KCND2: variants seen among roughly 807,000 people sequenced by gnomAD.
KCND2 encodes A-type voltage-gated potassium channel KCND2.
KCND2 carries 16 observed loss-of-function variants against 54.4 expected under a neutral mutation model. The observed-to-expected ratio is 0.29, with a 90% CI of 0.20 to 0.45. KCND2 has a LOEUF of 0.45. KCND2 is among the 20% of genes least tolerant of loss of function. KCND2 has a pLI of 1.00. For missense variants in KCND2, 486 were observed against 824.2 expected (o/e 0.59, Z 5.02); for synonymous variants, 317 against 310.7 (o/e 1.02, Z -0.21).
At position 120,609,058 on chromosome 7, in the gene KCND2, G is replaced by A. The variant is rs139111709; in HGVS notation, c.1116-123845G>A. ...GGGATATAACCTTGGTTTTCAGCGG[G>A]TTAATCATCTCTCATAACATGGTTA... is the stretch of plus-strand genomic sequence containing the variant. On this transcript the variant is annotated intron_variant, in intron 1 of 5. Transcript: ENST00000331113. 3.3e-5 allele frequency among the ~76,000 whole-genome samples: 5 copies of A among 152,094 alleles called. No individual in the cohort carries two copies. In the East Asian group the frequency reaches 9.7e-4, roughly 29 times the overall value.
chr7:120,405,066 C>G (rs1801331227), intron 1 of KCND2, among the ~76,000 whole-genome samples: 1 of 152,028 alleles, frequency 6.6e-6, no homozygotes, highest in South Asian at 2.1e-4. Flanking sequence ...GAAAAATTGT[C>G]AGATTTGTGA....
intron 1 of KCND2, among the ~76,000 whole-genome samples, chr7:120,327,576 C>G (rs913982730): frequency 2.6e-5 from 4 of 152,032 alleles, no homozygotes; most frequent in African/African-American, 9.7e-5. Flanking sequence ...ATTAATAACA[C>G]TATAGGAAAT....
intron 1 of KCND2, among the ~76,000 whole-genome samples, chr7:120,319,928 G>C (rs945556653): frequency 6.6e-6 from 1 of 151,940 alleles, no homozygotes; most frequent in African/African-American, 2.4e-5. Context: ...AACATGCAGA[G>C]TTTAGTTGGT....
chr7:120,613,753 A>G (rs931664766), intron 1 of KCND2, among the ~76,000 whole-genome samples: 12 of 152,076 alleles, frequency 7.9e-5, no homozygotes, highest in Non-Finnish European at 1.5e-4. Context: ...GAGTAGTCCT[A>G]CAGTCCTTTC....
chr7:120,579,337 G>A (rs1329080205), intron 1 of KCND2, among the ~76,000 whole-genome samples: 1 of 151,770 alleles, frequency 6.6e-6, no homozygotes, highest in East Asian at 1.9e-4. Flanking sequence ...GGGCACGGTG[G>A]CTCATGCCTG....
intron 1 of KCND2, among the ~76,000 whole-genome samples, chr7:120,563,200 T>C (rs1483463151): frequency 6.6e-6 from 1 of 152,170 alleles, no homozygotes; most frequent in Non-Finnish European, 1.5e-5. Flanking sequence ...TAAGTAAACA[T>C]TCCCCCTTTC....
At chr7:120,446,350 GAC>G (rs1802018573) in intron 1 of KCND2, among the ~76,000 whole-genome samples, 1 of 152,072 alleles carries the variant, frequency 6.6e-6, no homozygotes, top group Non-Finnish European at 1.5e-5. Flanking sequence ...ATTCTTTTGT[GAC>G]ATCTTGCAGT....
intron 1 of KCND2, among the ~76,000 whole-genome samples, chr7:120,713,808 G>C (rs1190050048): frequency 1.3e-5 from 2 of 152,132 alleles, no homozygotes; most frequent in Non-Finnish European, 2.9e-5. Flanking sequence ...ATGTGAGTTA[G>C]TCTTAAATGT....
At chr7:120,478,669 A>G (rs1333047591) in intron 1 of KCND2, among the ~76,000 whole-genome samples, 1 of 152,148 alleles carries the variant, frequency 6.6e-6, no homozygotes, top group Non-Finnish European at 1.5e-5. Context: ...TTATACCTAT[A>G]AGAAAAAAAC....
At chr7:120,333,625 T>G (rs1473261579) in intron 1 of KCND2, among the ~76,000 whole-genome samples, 1 of 152,104 alleles carries the variant, frequency 6.6e-6, no homozygotes, top group Non-Finnish European at 1.5e-5. Context: ...AATATAATAA[T>G]TTCCAGAATA....
At chr7:120,593,185 C>T (rs1209473264) in intron 1 of KCND2, among the ~76,000 whole-genome samples, 4 of 152,110 alleles carry the variant, frequency 2.6e-5, no homozygotes, top group South Asian at 2.1e-4. Context: ...AATTTTGTAC[C>T]TATCAAATAT....
At chr7:120,703,246 A>G (rs1314181886) in intron 1 of KCND2, among the ~76,000 whole-genome samples, 1 of 152,174 alleles carries the variant, frequency 6.6e-6, no homozygotes, top group East Asian at 1.9e-4. Flanking sequence ...TAAATTAACA[A>G]CAAAATCATA....
At chr7:120,422,469 T>C (rs527919429) in intron 1 of KCND2, among the ~76,000 whole-genome samples, 76 of 152,334 alleles carry the variant, frequency 5.0e-4, no homozygotes, top group Admixed American at 2.2e-3. Flanking sequence ...ATGGTGGTTC[T>C]CATCTTTTCT....
intron 1 of KCND2, among the ~76,000 whole-genome samples, chr7:120,434,952 T>C (rs1801844955): frequency 6.6e-6 from 1 of 152,002 alleles, no homozygotes; most frequent in Non-Finnish European, 1.5e-5. Context: ...CTCATAGGAT[T>C]GGAAGACTTG....
intron 1 of KCND2, among the ~76,000 whole-genome samples, chr7:120,363,029 G>A (rs2116403093): frequency 6.6e-6 from 1 of 152,156 alleles, no homozygotes; most frequent in Non-Finnish European, 1.5e-5. Context: ...CAGGCAGGGT[G>A]TCGTGGCTCA....
intron 1 of KCND2, among the ~76,000 whole-genome samples, chr7:120,354,129 TG>T (rs1800457050): frequency 6.6e-6 from 1 of 152,182 alleles, no homozygotes. Flanking sequence ...ATTTTTTTAA[TG>T]CAATACCATA....
At chr7:120,455,175 G>GA (rs201976614) in intron 1 of KCND2, among the ~76,000 whole-genome samples, 37 of 148,972 alleles carry the variant, frequency 2.5e-4, no homozygotes, top group Middle Eastern at 3.4e-3. Context: ...ACAGAATTTA[G>GA]AAAAAAAAAA....
intron 1 of KCND2, among the ~76,000 whole-genome samples, chr7:120,420,857 G>A (rs774071203): frequency 6.6e-6 from 1 of 152,108 alleles, no homozygotes; most frequent in African/African-American, 2.4e-5. Context: ...TCAGAATCCC[G>A]CATTATTAAT....
chr7:120,556,941 A>G (rs1792173314), intron 1 of KCND2, among the ~76,000 whole-genome samples: 1 of 152,184 alleles, frequency 6.6e-6, no homozygotes, highest in Non-Finnish European at 1.5e-5. Flanking sequence ...CTAATGTTTC[A>G]CAAATGTTAT....
Sources: allele counts gnomAD v4.1 joint callset (sites outside exome capture counted in the v4.1 genomes callset), GRCh38; gene constraint gnomAD v4.1.1; transcripts MANE v1.5; gene names NCBI Gene and HGNC (gene_info 2026-07-23, HGNC 2026-07-21).